PLXNA4: variants seen among roughly 807,000 people sequenced by gnomAD.
PLXNA4 encodes the protein plexin A4.
In PLXNA4, 44 loss-of-function variants were observed where a neutral mutation model predicts 191.8. The ratio of observed to expected loss-of-function variants is 0.23; its 90% CI spans 0.18 to 0.29. The LOEUF (loss-of-function observed/expected upper bound fraction) is 0.29, where lower values mean the gene tolerates loss of function less well. PLXNA4 is among the 10% of genes least tolerant of loss of function. The pLI is 1.00. For synonymous variants in PLXNA4, 1,082 were observed against 1,009.5 expected (o/e 1.07, Z -1.36); for missense variants, 1,800 against 2,488.8 (o/e 0.72, Z 5.89).
chr7:132,171,924 G>A (rs764824762), intron 21 of PLXNA4, among the ~76,000 whole-genome samples: 3 of 152,280 alleles, frequency 2.0e-5, no homozygotes, highest in South Asian at 4.1e-4. Context: ...ACACTTAAAC[G>A]GCAACAGTTT....
intron 3 of PLXNA4, among the ~76,000 whole-genome samples, chr7:132,442,806 T>A (rs1232929823): frequency 6.6e-6 from 1 of 152,242 alleles, no homozygotes; most frequent in African/African-American, 2.4e-5. Flanking sequence ...CCCTGATTTT[T>A]CTGTCTCTGC....
At chr7:132,190,385 G>A (rs1228715498) in intron 14 of PLXNA4, among the ~76,000 whole-genome samples, 1 of 152,156 alleles carries the variant, frequency 6.6e-6, no homozygotes, top group African/African-American at 2.4e-5. Flanking sequence ...TAAAAGCAGA[G>A]AGCTGAGTGC....
At chr7:132,307,539 C>T (rs1366521436) in intron 3 of PLXNA4, among the ~76,000 whole-genome samples, 1 of 151,978 alleles carries the variant, frequency 6.6e-6, no homozygotes, top group Non-Finnish European at 1.5e-5. Flanking sequence ...TGGTGTAGAT[C>T]TCCCCTATTT....
chr7:132,536,140 T>C (rs1266966826), intron 1 of PLXNA4, among the ~76,000 whole-genome samples: 1 of 152,224 alleles, frequency 6.6e-6, no homozygotes, highest in Non-Finnish European at 1.5e-5. Context: ...ACATACTGCA[T>C]TGGGCTTTTG....
intron 4 of PLXNA4, among the ~76,000 whole-genome samples, chr7:132,271,728 T>C (rs1378502966): frequency 1.3e-5 from 2 of 152,036 alleles, no homozygotes; most frequent in Admixed American, 6.6e-5. Flanking sequence ...ACAGAGACCA[T>C]GGGATGTGGT....
chr7:132,300,400 T>C (rs1801259609), intron 3 of PLXNA4, among the ~76,000 whole-genome samples: 1 of 152,216 alleles, frequency 6.6e-6, no homozygotes, highest in African/African-American at 2.4e-5. Context: ...TTGATTTTGG[T>C]GCTCAAACAC....
At chr7:132,159,344 C>A in intron 25 of PLXNA4, 129 bp downstream of exon 25, 1 of 1,455,292 alleles carries the variant, frequency 6.9e-7, no homozygotes, top group South Asian at 1.3e-5. Flanking sequence ...TCCAGCCATG[C>A]CTGACTCCCT....
chr7:132,615,805 A>G (rs759637478), intron 2 of PLXNA4, among the ~76,000 whole-genome samples: 1 of 146,440 alleles, frequency 6.8e-6, no homozygotes, highest in Non-Finnish European at 1.5e-5. Context: ...ATGCACATGC[A>G]CACACACACA....
intron 2 of PLXNA4, among the ~76,000 whole-genome samples, chr7:132,612,310 G>A (rs1011346470): frequency 1.3e-5 from 2 of 152,168 alleles, no homozygotes; most frequent in African/African-American, 4.8e-5. Context: ...AACAACAGAT[G>A]TGATGTAGCA....
chr7:132,305,556 G>C (rs534595408), intron 3 of PLXNA4, among the ~76,000 whole-genome samples: 1 of 152,304 alleles, frequency 6.6e-6, no homozygotes, highest in Admixed American at 6.5e-5. Context: ...CCCTGGCACG[G>C]TGAGTCTCCG....
intron 3 of PLXNA4, among the ~76,000 whole-genome samples, chr7:132,340,274 A>C (rs1802976017): frequency 6.6e-6 from 1 of 152,192 alleles, no homozygotes; most frequent in African/African-American, 2.4e-5. Flanking sequence ...TTGCTTATTA[A>C]AGTTTAAGAC....
chr7:132,229,520 GT>G (rs1205210260), intron 5 of PLXNA4, among the ~76,000 whole-genome samples: 1 of 152,204 alleles, frequency 6.6e-6, no homozygotes, highest in Admixed American at 6.5e-5. Flanking sequence ...TACAGATTCT[GT>G]TGTGGGGTGG....
intron 4 of PLXNA4, among the ~76,000 whole-genome samples, chr7:132,277,483 A>G (rs1277251079): frequency 2.0e-5 from 3 of 152,216 alleles, no homozygotes; most frequent in Non-Finnish European, 4.4e-5. Context: ...ATGACTCAGT[A>G]TAGGACACAG....
chr7:132,647,140 C>T (rs1803887163), intron 1 of PLXNA4, among the ~76,000 whole-genome samples: 1 of 151,894 alleles, frequency 6.6e-6, no homozygotes, highest in South Asian at 2.1e-4. Context: ...CTGACTTACA[C>T]ACATGCAGTC....
intron 2 of PLXNA4, among the ~76,000 whole-genome samples, chr7:132,503,989 G>C (rs1798357371): frequency 6.6e-6 from 1 of 152,198 alleles, no homozygotes; most frequent in Admixed American, 6.5e-5. Context: ...ACACCAGAAA[G>C]CCCCAGCTGC....
At chr7:132,608,227 A>T (rs1802980060) in intron 2 of PLXNA4, among the ~76,000 whole-genome samples, 1 of 152,210 alleles carries the variant, frequency 6.6e-6, no homozygotes, top group Non-Finnish European at 1.5e-5. Context: ...TATCACCATC[A>T]CCATCATCCT....
rs555253002 is a variant in PLXNA4, at chr7:132,179,194, C to A, written c.3874+493G>T. On this transcript the variant is annotated intron_variant, in intron 20 of 31. Coordinates refer to ENST00000321063, the MANE Select transcript of PLXNA4 (RefSeq NM_020911.2). The stretch of plus-strand genomic sequence containing the variant: ...TCCAGCACTGCTCACAGCTGCCTGG[C>A]CTGCTTGCTTGTAAATGAAACACAT... 4.7e-3 allele frequency among the ~76,000 whole-genome samples: 652 copies of A among 139,100 alleles called. 4 individuals are homozygous for A. The highest frequency in any genetic ancestry group is 6.0e-3 in the Non-Finnish European group (381 of 63,550). 91.3% of individuals were successfully genotyped at this position (139,100 alleles called of 152,430 possible).
At chr7:132,209,659 TG>T (rs990405163) in intron 10 of PLXNA4, among the ~76,000 whole-genome samples, 8 of 152,110 alleles carry the variant, frequency 5.3e-5, no homozygotes, top group Non-Finnish European at 1.2e-4. Context: ...GGCAAGTGTG[TG>T]GGCCTCTCTG....
chr7:132,405,963 T>C (rs1242909238), intron 3 of PLXNA4, among the ~76,000 whole-genome samples: 1 of 152,194 alleles, frequency 6.6e-6, no homozygotes, highest in African/African-American at 2.4e-5. Context: ...CTACATTGAC[T>C]TAAAGCCATA....
Sources: gnomAD v4.1 joint callset for allele counts (sites outside exome capture counted in the v4.1 genomes callset) on GRCh38, gnomAD v4.1.1 for gene constraint, MANE v1.5 for transcripts, NCBI Gene and HGNC (gene_info 2026-07-23, HGNC 2026-07-21) for gene names.